The following GRIK3 variants were observed in gnomAD, a reference collection of about 807,000 sequenced individuals.
GRIK3 encodes glutamate receptor ionotropic, kainate 3.
GRIK3 carries 29 observed loss-of-function variants against 102.5 expected under a neutral mutation model. The observed-to-expected ratio is 0.28, with a 90% CI of 0.21 to 0.39. The LOEUF is 0.39. Ranked by LOEUF, GRIK3 falls within the 10% of genes least tolerant of loss-of-function variation. GRIK3 has a pLI of 1.00. For synonymous variants in GRIK3, 511 were observed against 504.9 expected, an observed-to-expected ratio of 1.01 and a Z score of -0.16; for missense variants, 908 against 1,252.4, an observed-to-expected ratio of 0.73 and a Z score of 4.15.
rs531678231 is a variant in GRIK3 at position 36,933,835 on chromosome 1, T to C, written c.116-42739A>G. ...CTGGGTAGACCAGGTAAGTCCTGGGTGTGTGGCAGGAACCTCACTGCCCTC... is the reference window on the plus strand; with the variant it reads ...CTGGGTAGACCAGGTAAGTCCTGGGCGTGTGGCAGGAACCTCACTGCCCTC... On this transcript the variant is annotated intron_variant, in intron 1 of 15. Coordinates refer to ENST00000373091, the MANE Select transcript of GRIK3 (RefSeq NM_000831.4). 6.6e-5 allele frequency among the ~76,000 whole-genome samples: 10 copies of C among 152,276 alleles called. No homozygotes were observed. In the South Asian group the frequency reaches 2.1e-3, roughly 32 times the overall value.
At chr1:37,007,621 C>T (rs774413247) in intron 1 of GRIK3, among the ~76,000 whole-genome samples, 2 of 152,236 alleles carry the variant, frequency 1.3e-5, no homozygotes, top group Non-Finnish European at 2.9e-5. Context: ...GACGCACAAA[C>T]GCTCCCGCAC....
chr1:37,021,478 AG>A (rs1642714741), intron 1 of GRIK3, among the ~76,000 whole-genome samples: 1 of 152,174 alleles, frequency 6.6e-6, no homozygotes, highest in South Asian at 2.1e-4. Context: ...TTCTCTTGCA[AG>A]AAGACAGGGA....
chr1:36,937,825 T>C (rs945496127), intron 1 of GRIK3, among the ~76,000 whole-genome samples: 5 of 152,252 alleles, frequency 3.3e-5, no homozygotes, highest in Admixed American at 6.5e-5. Flanking sequence ...ATTAAGCCAG[T>C]TGGAGGAAAC....
intron 1 of GRIK3, among the ~76,000 whole-genome samples, chr1:37,014,895 CTCTCTA>C (rs1328766374): frequency 7.2e-6 from 1 of 138,788 alleles, no homozygotes; most frequent in East Asian, 2.5e-4. Context: ...TCTCTTCTCT[CTCTCTA>C]TCTCTGTTTC....
At chr1:37,000,616 G>T (rs1266965877) in intron 1 of GRIK3, among the ~76,000 whole-genome samples, 2 of 152,174 alleles carry the variant, frequency 1.3e-5, no homozygotes, top group Non-Finnish European at 2.9e-5. Context: ...ATTTTACAAG[G>T]CAATAAACTC....
intron 11 of GRIK3, among the ~76,000 whole-genome samples, 191 bp downstream of exon 11, chr1:36,825,412 G>A (rs1248606102): frequency 1.3e-5 from 2 of 152,154 alleles, no homozygotes; most frequent in Non-Finnish European, 2.9e-5. Flanking sequence ...GCGTGGGGGT[G>A]GGGAGGGCCA....
chr1:36,885,888 A>G (rs1013399182), intron 2 of GRIK3, among the ~76,000 whole-genome samples: 3 of 152,242 alleles, frequency 2.0e-5, no homozygotes, highest in African/African-American at 7.2e-5. Flanking sequence ...TCATTGCAGG[A>G]GTCCACAGCC....
chr1:37,002,100 C>T (rs1414120435), intron 1 of GRIK3, among the ~76,000 whole-genome samples: 1 of 152,178 alleles, frequency 6.6e-6, no homozygotes, highest in East Asian at 1.9e-4. Context: ...AAAAGACAAT[C>T]CCCTGCAGAA....
At chr1:36,852,389 C>T (rs749952112) in intron 8 of GRIK3, among the ~76,000 whole-genome samples, 15 of 152,124 alleles carry the variant, frequency 9.9e-5, no homozygotes, top group Non-Finnish European at 2.2e-4. Context: ...ATTGTGTGGG[C>T]AATGGCCTGG....
chr1:36,865,224 G>T (rs1640770237), intron 5 of GRIK3, among the ~76,000 whole-genome samples: 1 of 152,140 alleles, frequency 6.6e-6, no homozygotes, highest in African/African-American at 2.4e-5. Context: ...ATGTACCAGG[G>T]GCTCAGCTGG....
chr1:36,834,888 CCA>C (rs1640353623), intron 10 of GRIK3, among the ~76,000 whole-genome samples: 1 of 152,200 alleles, frequency 6.6e-6, no homozygotes, highest in Non-Finnish European at 1.5e-5. Flanking sequence ...CCTCTGCCAT[CCA>C]CCCAGACATG....
At chr1:36,923,416 A>T (rs906927210) in intron 1 of GRIK3, among the ~76,000 whole-genome samples, 2 of 152,226 alleles carry the variant, frequency 1.3e-5, no homozygotes, top group African/African-American at 4.8e-5. Flanking sequence ...CCCAGGTCTG[A>T]CTGGAGACCC....
chr1:36,899,157 AC>A (rs1641205591), intron 1 of GRIK3, among the ~76,000 whole-genome samples: 1 of 152,188 alleles, frequency 6.6e-6, no homozygotes, highest in South Asian at 2.1e-4. Flanking sequence ...AAAGGCACAG[AC>A]AAGAAAAGAA....
chr1:36,911,957 G>T (rs1183770122), intron 1 of GRIK3, among the ~76,000 whole-genome samples: 1 of 152,106 alleles, frequency 6.6e-6, no homozygotes, highest in African/African-American at 2.4e-5. Flanking sequence ...CCCTCTTCAC[G>T]CACACCCACT....
chr1:36,806,014 G>A lies in GRIK3; in HGVS notation c.2314+90C>T. The A allele has an allele frequency of 1.4e-6, 1 of 695,466 alleles. No individual in the cohort carries two copies. The allele number at this position is 695,466 out of a possible 1,614,324, so 43.1% of individuals were successfully genotyped here. ...GTCACCTTTATCAGCCCCATGGAAT[G>A]AGCTGTGAGACGGAGTGTGAGGGGA... On this transcript the variant is annotated intron_variant, in intron 14 of 15. Coordinates refer to ENST00000373091, the MANE Select transcript of GRIK3 (RefSeq NM_000831.4). This position sits in a 1 kb window ranked among gnomAD's most constrained non-coding sequence, Gnocchi z 4.0.
At chr1:36,861,811 C>T (rs1327723815) in intron 5 of GRIK3, among the ~76,000 whole-genome samples, 1 of 152,024 alleles carries the variant, frequency 6.6e-6, no homozygotes, top group African/African-American at 2.4e-5. Flanking sequence ...ATAAATATGG[C>T]CTTGATTCCA....
intron 2 of GRIK3, among the ~76,000 whole-genome samples, chr1:36,889,549 AG>A (rs1641079338): frequency 6.6e-6 from 1 of 151,756 alleles, no homozygotes; most frequent in Non-Finnish European, 1.5e-5. Context: ...GGAGGCGGGG[AG>A]TGGAGGGGTT....
intron 1 of GRIK3, among the ~76,000 whole-genome samples, chr1:36,958,389 C>T (rs568208926): frequency 6.8e-5 from 4 of 58,472 alleles, no homozygotes; most frequent in South Asian, 6.0e-4. Flanking sequence ...TTTGAATCTG[C>T]GCCCTGTGAG....
At position 36,804,968 on chromosome 1, in the gene GRIK3, T is replaced by C; in HGVS notation, c.2565+19A>G. 1 of 1,613,592 alleles carries C rather than the reference T, an allele frequency of 6.2e-7. No individual in the cohort carries two copies. The highest frequency in any genetic ancestry group is 1.1e-5 in the South Asian group (1 of 91,016). On this transcript the variant is annotated intron_variant, in intron 15 of 15. Coordinates refer to ENST00000373091, the MANE Select transcript of GRIK3 (RefSeq NM_000831.4). ...TCTCCATTTCCCATCCTGTGCAGGC[T>C]CCAAGCTCTAAGGCTTACCTGCTCT...
Sources: allele counts gnomAD v4.1 joint callset (sites outside exome capture counted in the v4.1 genomes callset), GRCh38; gene constraint gnomAD v4.1.1; non-coding constraint Gnocchi (gnomAD v3.1); transcripts MANE v1.5; gene names NCBI Gene and HGNC (gene_info 2026-07-23, HGNC 2026-07-21).